Variants in SPATA2 observed in about 807,000 individuals in gnomAD.
SPATA2 encodes the protein spermatogenesis associated 2.
SPATA2 carries 8 observed loss-of-function variants against 35.4 expected under a neutral mutation model. That is an observed-to-expected ratio of 0.23 (90% CI 0.13 to 0.41). The LOEUF (loss-of-function observed/expected upper bound fraction) is 0.41, where lower values mean the gene tolerates loss of function less well. Ranked by LOEUF, SPATA2 falls within the 10% of genes least tolerant of loss-of-function variation. The pLI is 1.00. For missense variants in SPATA2, 650 were observed against 698.7 expected (o/e 0.93, Z 0.79); for synonymous variants, 293 against 300.9 (o/e 0.97, Z 0.27).
chr20:49,913,088 G>A (rs1336647705), intron 1 of SPATA2, among the ~76,000 whole-genome samples: 2 of 152,154 alleles, frequency 1.3e-5, no homozygotes, highest in Non-Finnish European at 2.9e-5. Context: ...CGGCCTGGGT[G>A]ACAGAGCAAG....
rs200736077 is a variant in SPATA2, at chr20:49,908,332, G to C, written c.159C>G (p.His53Gln). Residue 53 changes from histidine (H) to glutamine (Q), a missense_variant, in exon 2 of 3, where the codon CAC (histidine) becomes CAG (glutamine). His to Gln is a conservative substitution (Grantham distance 24, BLOSUM62 0). Transcript: ENST00000289431. ...RVAASTLLSL[H>Q]KVDPFYRFRL... ...GGAATCGATAAAAGGGATCCACCTT[G>C]TGCAGGCTGAGCAGGGTTGAGGCTG... 9.3e-6 allele frequency: 15 copies of C among 1,614,148 alleles called. No homozygotes were observed. Among genetic ancestry groups the C allele is most frequent in the Non-Finnish European group, 6.8e-6 (8 of 1,180,058 alleles).
At position 49,908,212 on chromosome 20, in the gene SPATA2, C is replaced by T; in HGVS notation, c.279G>A (p.Glu93=). Residue 93 remains glutamate (E), a synonymous_variant, in exon 2 of 3, where the codon GAG becomes GAA. Coordinates refer to ENST00000289431, the MANE Select transcript of SPATA2 (RefSeq NM_006038.4). ...RALHGAFSML[E]TVGINLFLYP... is the part of the protein sequence containing the mutation. The stretch of plus-strand genomic sequence containing the variant: ...AGAGGAAGAGGTTGATGCCCACCGT[C>T]TCCAGCATGCTGAAGGCGCCGTGCA... 6.2e-7 allele frequency: 1 copy of T among 1,613,836 alleles called. No individual in the cohort carries two copies. The highest frequency in any genetic ancestry group is 8.5e-7 in the Non-Finnish European group (1 of 1,179,948).
Position 49,908,585 on chromosome 20 carries a change from G to T in SPATA2, c.-95C>A, listed in dbSNP as rs1001991168. On this transcript the variant is annotated 5_prime_UTR_variant, in exon 2 of 3. Coordinates refer to ENST00000289431, the MANE Select transcript of SPATA2 (RefSeq NM_006038.4). ...TGGACATGTTGCCGCCTGGACCAGC[G>T]GAGTGCTCTGGAAGGAGGGGAACAA... 2.0e-6 allele frequency: 2 copies of T among 1,005,062 alleles called. No homozygotes were observed. The highest frequency in any genetic ancestry group is 2.9e-6 in the Non-Finnish European group (2 of 684,710). 62.3% of individuals were successfully genotyped at this position (1,005,062 alleles called of 1,614,324 possible). A position where few individuals can be genotyped will look rare whatever the true frequency, so the allele number is the denominator to read the frequency against.
Position 49,904,463 on chromosome 20 carries a change from AAG to A in SPATA2, c.*1154_*1155del, listed in dbSNP as rs1251502591. The A allele has an allele frequency of 6.5e-6, 1 of 152,674 alleles. No individual in the cohort carries two copies. Among genetic ancestry groups the A allele is most frequent in the Non-Finnish European group, 1.5e-5 (1 of 68,060 alleles). 9.5% of individuals were successfully genotyped at this position (152,674 alleles called of 1,614,324 possible). On this transcript the variant is annotated 3_prime_UTR_variant, in exon 3 of 3. Transcript: ENST00000289431. ...TGATTTTCCTTCTGAAACGAGACTC[AAG>A]AAGTGTGAAGTGCAAGGTTCCTGCT...
At position 49,905,786 on chromosome 20, in the gene SPATA2, G is replaced by A; in HGVS notation, c.1396C>T (p.Pro466Ser). The change falls in exon 3 of 3, where the codon CCA (proline) becomes TCA (serine). Residue 466 changes from proline to serine, a missense_variant. Physicochemically the swap from Pro to Ser is moderately conservative, Grantham distance 74 (BLOSUM62 -1). Coordinates refer to ENST00000289431, the MANE Select transcript of SPATA2 (RefSeq NM_006038.4). ...PTSRCGFCNR[P>S]GATNTCTQCS... Reference sequence around the variant, plus strand: ...TGGGTGCAGGTGTTGGTGGCGCCTGGGCGGTTGCAGAAGCCACAGCGGGAA... The same window carrying A: ...TGGGTGCAGGTGTTGGTGGCGCCTGAGCGGTTGCAGAAGCCACAGCGGGAA... 1 of 1,614,166 alleles carries A rather than the reference G, an allele frequency of 6.2e-7. No individual in the cohort carries two copies. The highest frequency in any genetic ancestry group is 8.5e-7 in the Non-Finnish European group (1 of 1,180,012).
rs1469087030 is a variant in SPATA2 at position 49,915,484 on chromosome 20, A to AG, written c.-208dup. 1.3e-5 allele frequency: 2 copies of AG among 152,194 alleles called. No individual in the cohort carries two copies. The highest frequency in any genetic ancestry group is 2.9e-5 in the Non-Finnish European group (2 of 68,038). 9.4% of individuals were successfully genotyped at this position (152,194 alleles called of 1,614,324 possible). A position where few individuals can be genotyped will look rare whatever the true frequency, so the allele number is the denominator to read the frequency against. On this transcript the variant is annotated 5_prime_UTR_variant, in exon 1 of 3. Coordinates refer to ENST00000289431, the MANE Select transcript of SPATA2 (RefSeq NM_006038.4). ...GGCTCTAGCCTCTCCGGCCGGCTGC[A>AG]GGGGTACTGAGACCAGTACCCGGGG...
intron 2 of SPATA2, 97 bp downstream of exon 2, chr20:49,908,058 G>C: frequency 8.2e-7 from 1 of 1,220,224 alleles, no homozygotes; most frequent in Non-Finnish European, 1.2e-6. Context: ...GAGAGCACAG[G>C]ATGGATGGGA....
chr20:49,906,193 G>A lies in SPATA2; in HGVS notation c.989C>T (p.Ser330Phe), dbSNP rs1163296044. The A allele has an allele frequency of 2.5e-6, 4 of 1,582,952 alleles. No individual in the cohort carries two copies. The highest frequency in any genetic ancestry group is 3.4e-6 in the Non-Finnish European group (4 of 1,161,450). Residue 330 changes from serine (S) to phenylalanine (F), a missense_variant, in exon 3 of 3, where the codon TCC becomes TTC. Coordinates refer to ENST00000289431, the MANE Select transcript of SPATA2 (RefSeq NM_006038.4). The surrounding 1 kb of genome is among the most constrained non-coding windows in gnomAD (Gnocchi z 8.2). Reference sequence around the variant, plus strand: ...GTACAGATCCACGTCATCCTGAGTGGAGAAGTAGGTACCGCGCAGCAGGGC... The same window carrying A: ...GTACAGATCCACGTCATCCTGAGTGAAGAAGTAGGTACCGCGCAGCAGGGC... The part of the protein sequence containing the change: ...GPALLRGTYF[S>F]TQDDVDLYTD...
At chr20:49,910,517 C>G (rs751609566) in intron 1 of SPATA2, among the ~76,000 whole-genome samples, 4 of 152,134 alleles carry the variant, frequency 2.6e-5, no homozygotes, top group Admixed American at 1.3e-4. Context: ...CCAGAAGCTC[C>G]GTGGGTGCAG....
chr20:49,910,728 G>A (rs2090178184), intron 1 of SPATA2, among the ~76,000 whole-genome samples: 1 of 152,162 alleles, frequency 6.6e-6, no homozygotes, highest in Non-Finnish European at 1.5e-5. Context: ...TCATCTCAAA[G>A]AGCCAGTAGT....
Position 49,906,809 on chromosome 20 carries a change from T to A in SPATA2, c.373A>T (p.Thr125Ser). Residue 125 changes from threonine (T) to serine (S), a missense_variant, in exon 3 of 3, where the codon ACA (threonine) becomes TCA (serine). By Grantham distance (58) the Thr-to-Ser change is moderately conservative. Transcript: ENST00000289431. The surrounding 1 kb of genome is among the most constrained non-coding windows in gnomAD (Gnocchi z 8.2). Reference sequence around the variant, plus strand: ...GCTCGGATGTCCTCTTCCAGTAATGTCGACTTGACATAATAAACAAAAGGG... The same window carrying A: ...GCTCGGATGTCCTCTTCCAGTAATGACGACTTGACATAATAAACAAAAGGG... ...TGPFVYYVKS[T>S]LLEEDIRAIL... 3 of 1,612,446 alleles carry A rather than the reference T, an allele frequency of 1.9e-6. No individual in the cohort carries two copies. Among genetic ancestry groups the A allele is most frequent in the Non-Finnish European group, 2.5e-6 (3 of 1,178,706 alleles).
chr20:49,906,985 CA>C lies in SPATA2; in HGVS notation c.337-141del. ...GGGCAGGGAAGGATCTCGACAGCCTCACCCTGCGGGAGGCAGAAGACGCAGG... is the reference window on the plus strand; with the variant it reads ...GGGCAGGGAAGGATCTCGACAGCCTCCCCTGCGGGAGGCAGAAGACGCAGG... On this transcript the variant is annotated intron_variant, in intron 2 of 2. Transcript: ENST00000289431. This position sits in a 1 kb window ranked among gnomAD's most constrained non-coding sequence, Gnocchi z 8.2. 3 of 906,528 alleles carry C rather than the reference CA, an allele frequency of 3.3e-6. No homozygotes were observed. The highest frequency in any genetic ancestry group is 4.9e-6 in the Non-Finnish European group (3 of 606,616). 56.2% of individuals were successfully genotyped at this position (906,528 alleles called of 1,614,324 possible).
intron 2 of SPATA2, 83 bp downstream of exon 2, chr20:49,908,072 G>C: frequency 1.5e-6 from 2 of 1,335,916 alleles, no homozygotes; most frequent in East Asian, 4.6e-5. Flanking sequence ...GATGGGATCA[G>C]ACTGGCATAG....
At position 49,905,744 on chromosome 20, in the gene SPATA2, A is replaced by T; in HGVS notation, c.1438T>A (p.Cys480Ser). The change falls in exon 3 of 3, where the codon TGT becomes AGT. Residue 480 changes from cysteine to serine, a missense_variant. By Grantham distance (112) the Cys-to-Ser change is moderately radical. Transcript: ENST00000289431. ...TGGTAAGCGCTGAGGCAGGCGTCAC[A>T]TGAGACTTTTGAACACTGGGTGCAG... is the stretch of plus-strand genomic sequence containing the variant. ...NTCTQCSKVS[C>S]DACLSAYHYD... 1 of 1,614,256 alleles carries T rather than the reference A, an allele frequency of 6.2e-7. No individual in the cohort carries two copies. Among genetic ancestry groups the T allele is most frequent in the Non-Finnish European group, 8.5e-7 (1 of 1,180,052 alleles).
At chr20:49,913,830 G>A (rs1480916526) in intron 1 of SPATA2, 1 of 152,182 alleles carries the variant, frequency 6.6e-6, no homozygotes, top group East Asian at 1.9e-4. Context: ...GAGAATACAA[G>A]ATGCCTTGTA....
At chr20:49,909,902 A>C (rs897655577) in intron 1 of SPATA2, among the ~76,000 whole-genome samples, 1 of 152,370 alleles carries the variant, frequency 6.6e-6, no homozygotes, top group Non-Finnish European at 1.5e-5. Context: ...TTTTCAAAAG[A>C]GGCCACCGTG....
intron 1 of SPATA2, among the ~76,000 whole-genome samples, chr20:49,914,444 T>A (rs2090198193): frequency 6.6e-6 from 1 of 152,056 alleles, no homozygotes; most frequent in African/African-American, 2.4e-5. Flanking sequence ...ACATCCCTGG[T>A]CTAGCTCCAT....
At chr20:49,912,408 T>C (rs2090186693) in intron 1 of SPATA2, among the ~76,000 whole-genome samples, 1 of 152,202 alleles carries the variant, frequency 6.6e-6, no homozygotes, top group African/African-American at 2.4e-5. Context: ...ATCGTGCCAT[T>C]GCACTCCAGC....
In SPATA2 at chr20:49,905,463, G is replaced by T; in HGVS notation, c.*156C>A. The stretch of plus-strand genomic sequence containing the variant: ...GGTTGAGATATCTGAGTCGCTAAGT[G>T]AACTCCCACGTGGACACAGCCAGCC... On this transcript the variant is annotated 3_prime_UTR_variant, in exon 3 of 3. Coordinates refer to ENST00000289431, the MANE Select transcript of SPATA2 (RefSeq NM_006038.4). 1 of 727,022 alleles carries T rather than the reference G, an allele frequency of 1.4e-6. No homozygotes were observed. The highest frequency in any genetic ancestry group is 2.3e-6 in the Non-Finnish European group (1 of 443,324). 45.0% of individuals were successfully genotyped at this position (727,022 alleles called of 1,614,324 possible).
Sources: gnomAD v4.1 joint callset for allele counts (sites outside exome capture counted in the v4.1 genomes callset) on GRCh38, gnomAD v4.1.1 for gene constraint, Gnocchi (gnomAD v3.1) non-coding constraint, MANE v1.5 for transcripts, NCBI Gene and HGNC (gene_info 2026-07-23, HGNC 2026-07-21) for gene names.